Variants in KDM2B observed in about 807,000 individuals in gnomAD.
KDM2B encodes the protein lysine demethylase 2B.
In KDM2B, 26 loss-of-function variants were observed where a neutral mutation model predicts 150.0. The observed-to-expected ratio is 0.17, with a 90% CI of 0.13 to 0.24. The LOEUF is 0.24. Ranked by LOEUF, KDM2B falls within the 10% of genes least tolerant of loss-of-function variation. The pLI, the probability that KDM2B is intolerant of heterozygous loss-of-function variation, is 1.00. For missense variants in KDM2B, 1,265 were observed against 1,816.9 expected (o/e 0.70, Z 5.52); for synonymous variants, 734 against 729.5 (o/e 1.01, Z -0.10).
intron 13 of KDM2B, among the ~76,000 whole-genome samples, chr12:121,448,249 G>C (rs1410219594): frequency 5.5e-5 from 8 of 146,276 alleles, no homozygotes; most frequent in African/African-American, 1.8e-4. Context: ...GAGCCCAGGA[G>C]GTAGAGGCTG....
chr12:121,536,888 C>G (rs1555308833), intron 6 of KDM2B, among the ~76,000 whole-genome samples: 2 of 152,154 alleles, frequency 1.3e-5, no homozygotes, highest in African/African-American at 4.8e-5. Context: ...ACCAGGTCAC[C>G]CCCATCCTGC....
the KDM2B span, chr12:121,424,060 T>C: frequency 6.5e-6 from 1 of 153,128 alleles, no homozygotes; most frequent in Non-Finnish European, 1.5e-5. Flanking sequence ...AATGCTAACA[T>C]TTGATGAATG....
intron 12 of KDM2B, among the ~76,000 whole-genome samples, chr12:121,454,212 C>T (rs1877842642): frequency 6.6e-6 from 1 of 152,206 alleles, no homozygotes; most frequent in African/African-American, 2.4e-5. Flanking sequence ...AGGGCACTCA[C>T]CACAGGTGTC....
chr12:121,436,702 G>A (rs74975698), intron 22 of KDM2B, among the ~76,000 whole-genome samples: 2,179 of 152,198 alleles, frequency 0.014, 44 homozygotes, highest in East Asian at 0.11. Context: ...GAACACAGAC[G>A]TCCAGACTGA....
downstream of KDM2B, among the ~76,000 whole-genome samples, chr12:121,425,213 C>G (rs1872452772): frequency 6.7e-6 from 1 of 149,330 alleles, no homozygotes; most frequent in African/African-American, 2.5e-5. Flanking sequence ...GAGGCTGAGG[C>G]AGGAGAATCG....
chr12:121,479,518 A>G (rs1555297496), intron 12 of KDM2B, among the ~76,000 whole-genome samples: 2 of 151,708 alleles, frequency 1.3e-5, no homozygotes, highest in South Asian at 2.1e-4. Flanking sequence ...AGTGGTTCAC[A>G]TGTGTCCCAG....
At chr12:121,527,199 G>C (rs1192235172) in intron 8 of KDM2B, among the ~76,000 whole-genome samples, 1 of 147,902 alleles carries the variant, frequency 6.8e-6, no homozygotes, top group Non-Finnish European at 1.5e-5. Flanking sequence ...ATAGGCACCC[G>C]CCGCCACGCC....
In KDM2B at chr12:121,522,906, G is replaced by A. The variant is rs147427659; in HGVS notation, c.932-1806C>T. On this transcript the variant is annotated intron_variant, in intron 8 of 22. Coordinates refer to ENST00000377071, the MANE Select transcript of KDM2B (RefSeq NM_032590.5). ...AAATGAAGTCACCTATCAGGATTTT[G>A]AGCCCGGGAAGTCGGGCTCTGCATG... Among the ~76,000 whole-genome samples the A allele has an allele frequency of 2.7e-4, 41 of 152,310 alleles. No individual in the cohort carries two copies. In the East Asian group the frequency reaches 5.4e-3, roughly 20 times the overall value.
At chr12:121,423,040 G>T in the KDM2B span, among the ~76,000 whole-genome samples, 21 of 152,342 alleles carry the variant, frequency 1.4e-4, no homozygotes, top group African/African-American at 3.6e-4. The surrounding 1 kb of genome is among the most constrained non-coding windows in gnomAD (Gnocchi z 4.3). Flanking sequence ...CCCATCTACA[G>T]AAGACCAGCT....
intron 8 of KDM2B, among the ~76,000 whole-genome samples, chr12:121,527,872 G>T (rs1887289666): frequency 6.6e-6 from 1 of 152,002 alleles, no homozygotes; most frequent in African/African-American, 2.4e-5. Context: ...GGCACAGCCA[G>T]AGTGGGGAGG....
intron 12 of KDM2B, among the ~76,000 whole-genome samples, chr12:121,475,192 GTGTGTGT>G (rs1881221356): frequency 2.1e-5 from 3 of 143,052 alleles, no homozygotes; most frequent in South Asian, 2.2e-4. Context: ...CTGTGTGTGT[GTGTGTGT>G]GTGTGTGTGT....
At chr12:121,534,786 C>G in intron 6 of KDM2B, 196 bp from the exon 7 acceptor site, 1 of 551,130 alleles carries the variant, frequency 1.8e-6, no homozygotes, top group Non-Finnish European at 3.2e-6. Flanking sequence ...GGTGACAAAT[C>G]TCAAGCACTG....
chr12:121,481,607 A>G (rs1555297873), intron 12 of KDM2B, among the ~76,000 whole-genome samples: 1 of 152,136 alleles, frequency 6.6e-6, no homozygotes, highest in Non-Finnish European at 1.5e-5. Context: ...TTAATGTGGG[A>G]AATACACAAA....
intron 6 of KDM2B, among the ~76,000 whole-genome samples, chr12:121,548,248 C>A (rs563255437): frequency 2.6e-5 from 4 of 152,190 alleles, no homozygotes; most frequent in African/African-American, 9.6e-5. Context: ...GCCTGGGAGA[C>A]AGAGCAAGAC....
intron 4 of KDM2B, among the ~76,000 whole-genome samples, chr12:121,565,932 ATT>A (rs78576604): frequency 2.1e-5 from 3 of 143,614 alleles, no homozygotes; most frequent in Non-Finnish European, 1.5e-5. Context: ...CGGCCCAGGA[ATT>A]TTTTTTTTTT....
At chr12:121,472,264 C>G (rs374580725) in intron 12 of KDM2B, among the ~76,000 whole-genome samples, 40 of 152,314 alleles carry the variant, frequency 2.6e-4, no homozygotes, top group African/African-American at 9.6e-4. Flanking sequence ...GACTTGCCCC[C>G]CTTAACGGCA....
chr12:121,489,278 A>T (rs1476032724), intron 12 of KDM2B, among the ~76,000 whole-genome samples: 3 of 150,542 alleles, frequency 2.0e-5, no homozygotes, highest in African/African-American at 7.4e-5. Context: ...TTATTTATTT[A>T]TTTATTTTTG....
At chr12:121,568,473 A>G (rs1555315367) in intron 4 of KDM2B, among the ~76,000 whole-genome samples, 1 of 152,154 alleles carries the variant, frequency 6.6e-6, no homozygotes, top group African/African-American at 2.4e-5. Flanking sequence ...AAAAACAAAC[A>G]AACAAAATCA....
At chr12:121,495,682 C>T (rs1007723995) in intron 11 of KDM2B, among the ~76,000 whole-genome samples, 27 of 152,122 alleles carry the variant, frequency 1.8e-4, no homozygotes, top group Admixed American at 1.4e-3. Context: ...ACGTACTCAG[C>T]GAAGCAAACA....
Sources: gnomAD v4.1 joint callset for allele counts (sites outside exome capture counted in the v4.1 genomes callset) on GRCh38, gnomAD v4.1.1 for gene constraint, Gnocchi (gnomAD v3.1) non-coding constraint, MANE v1.5 for transcripts, NCBI Gene and HGNC (gene_info 2026-07-23, HGNC 2026-07-21) for gene names.